The following PLXND1 variants were observed in gnomAD, a reference collection of about 807,000 sequenced individuals.
The protein encoded by PLXND1 is plexin D1, also known as plexin-D1.
A neutral mutation model predicts 197.7 loss-of-function variants in PLXND1; 54 were observed. The ratio of observed to expected loss-of-function variants is 0.27; its 90% CI spans 0.22 to 0.34. The LOEUF (loss-of-function observed/expected upper bound fraction) is 0.34, where lower values mean the gene tolerates loss of function less well. Among genes scored for constraint, PLXND1 ranks in the 10% least tolerant of loss-of-function variants. The pLI is 1.00. For missense variants in PLXND1, 2,127 were observed against 2,699.2 expected, an observed-to-expected ratio of 0.79 and a Z score of 4.70; for synonymous variants, 1,180 against 1,161.2, an observed-to-expected ratio of 1.02 and a Z score of -0.33.
intron 2 of PLXND1, among the ~76,000 whole-genome samples, 192 bp from the exon 3 acceptor site, chr3:129,586,911 C>T (rs1252209067): frequency 1.3e-5 from 2 of 152,170 alleles, no homozygotes; most frequent in African/African-American, 4.8e-5. Flanking sequence ...CTGCTGTGCC[C>T]CCACCAGGAG....
chr3:129,556,927 C>T, intron 34 of PLXND1, 156 bp downstream of exon 34: 1 of 831,492 alleles, frequency 1.2e-6, no homozygotes, highest in Non-Finnish European at 1.9e-6. Flanking sequence ...TGGGAAAATG[C>T]ATGACGAATT....
chr3:129,567,639 G>T, intron 21 of PLXND1, 35 bp from the exon 22 acceptor site: 1 of 1,583,450 alleles, frequency 6.3e-7, no homozygotes, highest in Non-Finnish European at 8.7e-7. Context: ...AGCGGCCCGA[G>T]AACCCATCCC....
chr3:129,589,614 G>T, intron 1 of PLXND1, 87 bp from the exon 2 acceptor site: 2 of 1,169,760 alleles, frequency 1.7e-6, no homozygotes, highest in Non-Finnish European at 2.4e-6. Context: ...TCAGGCCCTG[G>T]CATCAGAGCT....
At position 129,577,532 on chromosome 3, in the gene PLXND1, G is replaced by C. The variant is rs945151484; in HGVS notation, c.2346+797C>G. Among the ~76,000 whole-genome samples, 8 of 151,664 alleles carry C rather than the reference G, an allele frequency of 5.3e-5. No individual in the cohort carries two copies. Among genetic ancestry groups the C allele is most frequent in the Non-Finnish European group, 1.0e-4 (7 of 67,936 alleles). On this transcript the variant is annotated intron_variant, in intron 9 of 35. Coordinates refer to ENST00000324093, the MANE Select transcript of PLXND1 (RefSeq NM_015103.3). This position sits in a 1 kb window ranked among gnomAD's most constrained non-coding sequence, Gnocchi z 5.0. ...TCCAGCCCCTGCCACGAGGCTTCCC[G>C]ACACATCCCAGATGCCCGGCACGTG...
intron 20 of PLXND1, chr3:129,569,128 C>T (rs1402313612): frequency 6.6e-6 from 1 of 152,274 alleles, no homozygotes; most frequent in East Asian, 1.9e-4. Flanking sequence ...TGGATCAGTA[C>T]TCCACTCCTT....
chr3:129,569,620 G>A, intron 20 of PLXND1: 1 of 532,294 alleles, frequency 1.9e-6, no homozygotes, highest in Non-Finnish European at 3.4e-6. Context: ...CCTGGGCGTG[G>A]GCCTAGCATA....
intron 2 of PLXND1, among the ~76,000 whole-genome samples, chr3:129,587,348 G>A (rs937080300): frequency 6.6e-6 from 1 of 152,216 alleles, no homozygotes; most frequent in African/African-American, 2.4e-5. Context: ...CACAGTCCAA[G>A]GCTTAAGGCT....
At chr3:129,560,088 CCT>C (rs1441728894) in intron 31 of PLXND1, among the ~76,000 whole-genome samples, 2 of 152,224 alleles carry the variant, frequency 1.3e-5, no homozygotes, top group East Asian at 1.9e-4. Flanking sequence ...TCTGCTGTAC[CCT>C]GTTACGTGGG....
rs374408132 is a variant in PLXND1, at chr3:129,596,334, G to T, written c.1312-6807C>A. Among the ~76,000 whole-genome samples, 41 of 152,214 alleles carry T rather than the reference G, an allele frequency of 2.7e-4. No homozygotes were observed. In the East Asian group the frequency reaches 6.8e-3, roughly 25 times the overall value. On this transcript the variant is annotated intron_variant, in intron 1 of 35. Coordinates refer to ENST00000324093, the MANE Select transcript of PLXND1 (RefSeq NM_015103.3). ...TGGCCTCGGCCTGCTCTGCCCTGGC[G>T]CCTGGGAACCACCGCCACAGTCGCT...
intron 23 of PLXND1, 30 bp from the exon 24 acceptor site, chr3:129,566,047 A>G (rs2085135499): frequency 3.1e-6 from 5 of 1,612,662 alleles, no homozygotes; most frequent in Non-Finnish European, 4.2e-6. Flanking sequence ...TGGGGTGTCC[A>G]GAGGGGCCCA....
At position 129,562,760 on chromosome 3, in the gene PLXND1, G is replaced by A. The variant is rs756129200; in HGVS notation, c.4825+27C>T. ...CAGCCCCGGCTGAAGCGCCTGACAC[G>A]GGGTCTCTGCCCCCATTCCCACCCA... On this transcript the variant is annotated intron_variant, in intron 27 of 35. Coordinates refer to ENST00000324093, the MANE Select transcript of PLXND1 (RefSeq NM_015103.3). The A allele has an allele frequency of 2.5e-5, 39 of 1,577,134 alleles. No homozygotes were observed. In the East Asian group the frequency reaches 8.2e-4, roughly 33 times the overall value.
chr3:129,589,307 G>GCCGGCCCCCCCCCCCCCCCCCCCCCCC, intron 2 of PLXND1, 44 bp downstream of exon 2: 1 of 684,688 alleles, frequency 1.5e-6, no homozygotes, highest in Non-Finnish European at 2.6e-6. Context: ...TCCCAGGGGA[G>GCCGGCCCCCCCCCCCCCCCCCCCCCCC]CCTCCCACCC....
intron 1 of PLXND1, among the ~76,000 whole-genome samples, chr3:129,590,737 G>T (rs1013527912): frequency 6.6e-6 from 1 of 152,232 alleles, no homozygotes; most frequent in Non-Finnish European, 1.5e-5. Context: ...AATCCTGGCA[G>T]CCCTAGGGGT....
At chr3:129,574,263 G>T (rs6762822) in intron 12 of PLXND1, 73 bp downstream of exon 12, 30 of 1,410,034 alleles carry the variant, frequency 2.1e-5, no homozygotes, top group Non-Finnish European at 2.6e-5. Flanking sequence ...CCCAAGAAGT[G>T]GGACCCTCGA....
chr3:129,589,332 C>A lies in PLXND1; in HGVS notation c.1488+19G>T. ...GCCTCCCACCCCCACCCCCTCCCCA[C>A]ATCCCCAACCATACCTACCTTGAGA... On this transcript the variant is annotated intron_variant, in intron 2 of 35. Transcript: ENST00000324093. 1 of 1,419,164 alleles carries A rather than the reference C, an allele frequency of 7.0e-7. No individual in the cohort carries two copies. Among genetic ancestry groups the A allele is most frequent in the South Asian group, 1.3e-5 (1 of 79,350 alleles). The allele number at this position is 1,419,164 out of a possible 1,614,324, so 87.9% of individuals were successfully genotyped here.
intron 20 of PLXND1, among the ~76,000 whole-genome samples, chr3:129,568,864 T>C (rs2085180399): frequency 6.6e-6 from 1 of 152,242 alleles, no homozygotes; most frequent in Non-Finnish European, 1.5e-5. Flanking sequence ...CAATGGTTTC[T>C]AGTATATTCA....
chr3:129,555,240 T>C lies in PLXND1; in HGVS notation c.*1072A>G, dbSNP rs1357769846. On this transcript the variant is annotated 3_prime_UTR_variant, in exon 36 of 36. Transcript: ENST00000324093. Reference sequence around the variant, plus strand: ...AGGTTTGTCCGTAAGGCTTTTATTATAAAGAAGATTCCAGAGTCCCAGCTG... The same window carrying C: ...AGGTTTGTCCGTAAGGCTTTTATTACAAAGAAGATTCCAGAGTCCCAGCTG... 5 of 442,746 alleles carry C rather than the reference T, an allele frequency of 1.1e-5. No individual in the cohort carries two copies. The highest frequency in any genetic ancestry group is 1.0e-4 in the African/African-American group (5 of 48,346). The allele number at this position is 442,746 out of a possible 1,614,324, so 27.4% of individuals were successfully genotyped here.
chr3:129,556,269 G>C lies in PLXND1; in HGVS notation c.*43C>G, dbSNP rs371257788. On this transcript the variant is annotated 3_prime_UTR_variant, in exon 36 of 36. Coordinates refer to ENST00000324093, the MANE Select transcript of PLXND1 (RefSeq NM_015103.3). ...AAGATCAAGTTGAGGCCCAGTGGGC[G>C]TCCATTTCTCCCAGCAGCAGCCTGA... 7.7e-7 allele frequency: 1 copy of C among 1,300,432 alleles called. No individual in the cohort carries two copies. The highest frequency in any genetic ancestry group is 2.3e-5 in the East Asian group (1 of 43,346). 80.6% of individuals were successfully genotyped at this position (1,300,432 alleles called of 1,614,324 possible).
At chr3:129,576,863 C>T (rs76818681) in intron 9 of PLXND1, among the ~76,000 whole-genome samples, 155 of 152,290 alleles carry the variant, frequency 1.0e-3, no homozygotes, top group African/African-American at 3.6e-3. Flanking sequence ...CTCAGTTCCC[C>T]AGGCTCATCT....
Sources: allele counts gnomAD v4.1 joint callset (sites outside exome capture counted in the v4.1 genomes callset), GRCh38; gene constraint gnomAD v4.1.1; non-coding constraint Gnocchi (gnomAD v3.1); transcripts MANE v1.5; gene names NCBI Gene and HGNC (gene_info 2026-07-23, HGNC 2026-07-21).